The following METAP1D variants were observed in gnomAD, a reference collection of about 807,000 sequenced individuals.
METAP1D encodes methionine aminopeptidase 1D, mitochondrial.
METAP1D carries 31 observed loss-of-function variants against 40.5 expected under a neutral mutation model. The ratio of observed to expected loss-of-function variants is 0.77; its 90% confidence interval spans 0.58 to 1.03. The LOEUF is 1.03. Among genes scored for constraint, METAP1D ranks in the 50% least tolerant of loss-of-function variants. The probability of loss-of-function intolerance (pLI) is 0.00; values close to 1 mark genes in which losing one functional copy is unlikely to be tolerated. For synonymous variants in METAP1D, 151 were observed against 146.4 expected (o/e 1.03, Z -0.22); for missense variants, 411 against 420.7 (o/e 0.98, Z 0.20).
Position 172,028,336 on chromosome 2 carries a change from G to A in METAP1D, c.40+28327G>A, listed in dbSNP as rs902724331. Among the ~76,000 whole-genome samples, 3 of 152,194 alleles carry A rather than the reference G, an allele frequency of 2.0e-5. No homozygotes were observed. In the East Asian group the frequency reaches 5.8e-4, roughly 29 times the overall value. ...CAGAAAGGGGGCCCCTGTGGCTGGC[G>A]GCAGTGAGTGACAGGAGGGTGGAGT... On this transcript the variant is annotated intron_variant, in intron 1 of 9. Transcript: ENST00000315796.
In METAP1D at chr2:172,068,306, A is replaced by T. The variant is rs146618333; in HGVS notation, c.540+2000A>T. 6.3e-3 allele frequency among the ~76,000 whole-genome samples: 963 copies of T among 152,120 alleles called. 12 individuals are homozygous for T. The highest frequency in any genetic ancestry group is 0.022 in the African/African-American group (921 of 41,498). ...TACTTAGGAGGCTGAGGCAGGGAGA[A>T]TTGCTTGAACCTGAGAGGCAGAGGT... On this transcript the variant is annotated intron_variant, in intron 5 of 9. Transcript: ENST00000315796.
At position 172,061,596 on chromosome 2, in the gene METAP1D, GAT is replaced by G. The variant is rs760214917; in HGVS notation, c.142_143del (p.Ile48PhefsTer18). On this transcript the variant is annotated frameshift_variant, in exon 2 of 10. Coordinates refer to ENST00000315796, the MANE Select transcript of METAP1D (RefSeq NM_199227.3). LOFTEE classifies it high-confidence loss of function. ...AAATTTCTTTTTTCGGAGACAAAGA[GAT>G]ATTTCACACAGTATAGTTTTGCCGG... ...RRNFFFRRQR[D>X]ISHSIVLPAA... 15 of 1,613,940 alleles carry G rather than the reference GAT, an allele frequency of 9.3e-6. No individual in the cohort carries two copies. The highest frequency in any genetic ancestry group is 1.3e-5 in the Non-Finnish European group (15 of 1,179,906).
At chr2:172,031,838 A>G (rs1559001525) in intron 1 of METAP1D, among the ~76,000 whole-genome samples, 1 of 152,188 alleles carries the variant, frequency 6.6e-6, no homozygotes, top group East Asian at 1.9e-4. Flanking sequence ...TACGTCGTTG[A>G]CTTTTCAGCC....
intron 5 of METAP1D, 70 bp downstream of exon 5, chr2:172,066,376 T>C (rs1649784070): frequency 7.7e-7 from 1 of 1,303,166 alleles, no homozygotes; most frequent in Non-Finnish European, 1.1e-6. Flanking sequence ...GAAGAGTGGA[T>C]TGAAAATGTG....
At chr2:172,008,137 T>C (rs968437725) in intron 1 of METAP1D, among the ~76,000 whole-genome samples, 4 of 151,940 alleles carry the variant, frequency 2.6e-5, no homozygotes, top group East Asian at 1.9e-4. Context: ...ACAGGGCTTG[T>C]TGAAGATGTT....
At chr2:172,055,752 C>T (rs1050022518) in intron 1 of METAP1D, among the ~76,000 whole-genome samples, 11 of 152,148 alleles carry the variant, frequency 7.2e-5, no homozygotes, top group African/African-American at 1.9e-4. Flanking sequence ...GAAAAGAATT[C>T]GTTTCAAATA....
At chr2:172,046,739 A>C (rs1254073632) in intron 1 of METAP1D, among the ~76,000 whole-genome samples, 2 of 152,230 alleles carry the variant, frequency 1.3e-5, no homozygotes, top group Non-Finnish European at 2.9e-5. Flanking sequence ...AATTAGAAAA[A>C]TTTGTTTGAC....
intron 1 of METAP1D, among the ~76,000 whole-genome samples, chr2:172,054,511 A>T (rs921731968): frequency 1.0e-4 from 15 of 149,172 alleles, no homozygotes; most frequent in Admixed American, 9.4e-4. Flanking sequence ...GAGCAAGAAG[A>T]CTCTGTCTCA....
chr2:172,043,012 T>TAC (rs1161589859), intron 1 of METAP1D, among the ~76,000 whole-genome samples: 1 of 89,686 alleles, frequency 1.1e-5, no homozygotes, highest in Admixed American at 1.0e-4. Flanking sequence ...TATATGTGTA[T>TAC]GTGTACACAT....
At position 172,041,807 on chromosome 2, in the gene METAP1D, T is replaced by G. The variant is rs868622158; in HGVS notation, c.41-19691T>G. Among the ~76,000 whole-genome samples the G allele has an allele frequency of 9.9e-3, 870 of 88,284 alleles. 54 individuals are homozygous for G. The highest frequency in any genetic ancestry group is 0.03 in the African/African-American group (836 of 27,610). The allele number at this position is 88,284 out of a possible 152,430, so 57.9% of individuals were successfully genotyped here. ...GAAATGACCTAATATATATATAGTTTTTTTTTTTTTTAAGATGGAGTCTTA... is the reference window on the plus strand; with the variant it reads ...GAAATGACCTAATATATATATAGTTGTTTTTTTTTTTAAGATGGAGTCTTA... On this transcript the variant is annotated intron_variant, in intron 1 of 9. Transcript: ENST00000315796.
At chr2:172,063,970 AATTT>A in intron 3 of METAP1D, 110 bp downstream of exon 3, 2 of 1,265,258 alleles carry the variant, frequency 1.6e-6, no homozygotes, top group Non-Finnish European at 2.0e-6. Flanking sequence ...TTGTTTTAAA[AATTT>A]ATTTGTTTTA....
At position 172,049,987 on chromosome 2, in the gene METAP1D, A is replaced by T. The variant is rs578098083; in HGVS notation, c.41-11511A>T. 2.0e-5 allele frequency among the ~76,000 whole-genome samples: 3 copies of T among 152,336 alleles called. No individual in the cohort carries two copies. In the South Asian group the frequency reaches 6.2e-4, roughly 32 times the overall value. ...CCATGCCTTTCACTTAGAGATGTAC[A>T]GTGAAAATCTTCTCAGGAAGTTTAA... On this transcript the variant is annotated intron_variant, in intron 1 of 9. Transcript: ENST00000315796.
At chr2:172,071,116 A>G in intron 6 of METAP1D, 46 bp downstream of exon 6, 1 of 1,504,090 alleles carries the variant, frequency 6.6e-7, no homozygotes, top group East Asian at 2.4e-5. Context: ...CAAATGGTAC[A>G]AAGGTTATTG....
chr2:172,041,458 C>CAAAAA (rs782636305), intron 1 of METAP1D, among the ~76,000 whole-genome samples: 1 of 94,884 alleles, frequency 1.1e-5, no homozygotes, highest in African/African-American at 3.3e-5. Flanking sequence ...GACTCTGTAT[C>CAAAAA]AAAAAAAAAA....
At chr2:172,016,295 AAAAAAATATATATATAT>A (rs1395101396) in intron 1 of METAP1D, among the ~76,000 whole-genome samples, 7 of 78,604 alleles carry the variant, frequency 8.9e-5, no homozygotes, top group Middle Eastern at 6.3e-3. Context: ...AAAAAAAAAA[AAAAAAATATATATATAT>A]ATATATATAT....
rs575907350 is a variant in METAP1D, at chr2:172,061,257, TTAGAG to T, written c.41-234_41-230del. Reference sequence around the variant, plus strand: ...GATGTTTCTATATGTTTGTTTCCCGTTAGAGTAGAGTTTTCCATTGTCACGCATTT... The same window carrying T: ...GATGTTTCTATATGTTTGTTTCCCGTTAGAGTTTTCCATTGTCACGCATTT... On this transcript the variant is annotated intron_variant, in intron 1 of 9. Coordinates refer to ENST00000315796, the MANE Select transcript of METAP1D (RefSeq NM_199227.3). Among the ~76,000 whole-genome samples the T allele has an allele frequency of 3.3e-3, 497 of 152,340 alleles. 2 individuals are homozygous for T. Among genetic ancestry groups the T allele is most frequent in the African/African-American group, 0.011 (473 of 41,576 alleles).
chr2:172,054,928 G>T (rs772886773), intron 1 of METAP1D, among the ~76,000 whole-genome samples: 9 of 152,122 alleles, frequency 5.9e-5, no homozygotes, highest in Non-Finnish European at 8.8e-5. Flanking sequence ...AAAATAACAT[G>T]TAGATTTACT....
intron 1 of METAP1D, among the ~76,000 whole-genome samples, chr2:172,059,869 T>G (rs921055304): frequency 6.6e-6 from 1 of 151,976 alleles, no homozygotes; most frequent in Non-Finnish European, 1.5e-5. Flanking sequence ...GCCAACATGG[T>G]GAAACCCCGT....
chr2:172,016,300 A>AAAAAAAAATATATATATAT (rs1553490378), intron 1 of METAP1D, among the ~76,000 whole-genome samples: 1 of 40,036 alleles, frequency 2.5e-5, no homozygotes, highest in Non-Finnish European at 4.6e-5. Flanking sequence ...AAAAAAAAAA[A>AAAAAAAAATATATATATAT]ATATATATAT....
Sources: gnomAD v4.1 joint callset for allele counts (sites outside exome capture counted in the v4.1 genomes callset) on GRCh38, gnomAD v4.1.1 for gene constraint, MANE v1.5 for transcripts, NCBI Gene and HGNC (gene_info 2026-07-23, HGNC 2026-07-21) for gene names.